The following SAMD4A variants were observed in gnomAD, a reference collection of about 807,000 sequenced individuals.
The protein encoded by SAMD4A is sterile alpha motif domain containing 4A, also known as protein Smaug homolog 1.
A neutral mutation model predicts 81.3 loss-of-function variants in SAMD4A; 33 were observed. The ratio of observed to expected loss-of-function variants is 0.41; its 90% confidence interval spans 0.31 to 0.54. The LOEUF is 0.54. Among genes scored for constraint, SAMD4A ranks in the 20% least tolerant of loss-of-function variants. The pLI, the probability that SAMD4A is intolerant of heterozygous loss-of-function variation, is 0.37. For synonymous variants in SAMD4A, 389 were observed against 382.1 expected (o/e 1.02, Z -0.21); for missense variants, 854 against 951.1 (o/e 0.90, Z 1.34).
chr14:54,756,653 T>C (rs2038245947), intron 6 of SAMD4A, among the ~76,000 whole-genome samples: 1 of 152,230 alleles, frequency 6.6e-6, no homozygotes, highest in African/African-American at 2.4e-5. Context: ...CTGTCTATTA[T>C]GTGAGAATCC....
At chr14:54,652,612 A>G (rs1208754403) in intron 2 of SAMD4A, 1 of 152,140 alleles carries the variant, frequency 6.6e-6, no homozygotes, top group Non-Finnish European at 1.5e-5. Flanking sequence ...TTTGTAATCA[A>G]AATGTTCTAT....
At chr14:54,771,616 T>G (rs979115411) in intron 9 of SAMD4A, among the ~76,000 whole-genome samples, 6 of 152,264 alleles carry the variant, frequency 3.9e-5, no homozygotes, top group African/African-American at 1.4e-4. Flanking sequence ...AGGCAAGGTC[T>G]GCTTCCTTGG....
At chr14:54,629,718 T>G (rs926631858) in intron 2 of SAMD4A, among the ~76,000 whole-genome samples, 8 of 152,244 alleles carry the variant, frequency 5.3e-5, no homozygotes, top group Non-Finnish European at 1.0e-4. Flanking sequence ...TTTTTAAGTG[T>G]ACAGTTCAGT....
intron 4 of SAMD4A, among the ~76,000 whole-genome samples, chr14:54,743,426 A>G (rs1332139178): frequency 6.6e-6 from 1 of 152,214 alleles, no homozygotes; most frequent in East Asian, 1.9e-4. Flanking sequence ...GCAAGTCCTC[A>G]GGATTCCCCC....
At chr14:54,586,154 T>C (rs1272046934) in intron 2 of SAMD4A, among the ~76,000 whole-genome samples, 1 of 152,232 alleles carries the variant, frequency 6.6e-6, no homozygotes. Context: ...TATCGCATTG[T>C]GGTTTTGCTT....
chr14:54,770,290 C>T (rs2038666247), intron 9 of SAMD4A, 68 bp downstream of exon 9: 8 of 1,069,568 alleles, frequency 7.5e-6, no homozygotes, highest in East Asian at 2.4e-5. Context: ...TACCTCGGTT[C>T]CTGGGGCAGG....
In SAMD4A at chr14:54,776,434, C is replaced by T. The variant is rs1951437; in HGVS notation, c.1938C>T (p.Pro646=). Residue 646 remains proline (P), a synonymous_variant, in exon 11 of 13, where the codon CCC becomes CCT. Coordinates refer to ENST00000554335, the MANE Select transcript of SAMD4A (RefSeq NM_015589.6). Reference sequence around the variant, plus strand: ...ACCAGAACCTGTGGTTTGCCAACCCCGGGGGCAGCAATAGCATGCCAAGCC... The same window carrying T: ...ACCAGAACCTGTGGTTTGCCAACCCTGGGGGCAGCAATAGCATGCCAAGCC... The part of the protein sequence containing the change: ...QGRQNLWFAN[P]GGSNSMPSRT... 59,932 of 1,591,514 alleles carry T rather than the reference C, an allele frequency of 0.038. 1,300 individuals carry two copies. The highest frequency in any genetic ancestry group is 0.056 in the South Asian group (4,928 of 87,612).
intron 2 of SAMD4A, among the ~76,000 whole-genome samples, chr14:54,573,008 A>G (rs1486814610): frequency 3.3e-5 from 5 of 152,184 alleles, no homozygotes; most frequent in Non-Finnish European, 7.3e-5. Context: ...GCCCTGACCC[A>G]GTTTTCCCAA....
intron 3 of SAMD4A, among the ~76,000 whole-genome samples, chr14:54,732,426 C>T (rs1302188881): frequency 6.6e-6 from 1 of 151,994 alleles, no homozygotes; most frequent in Non-Finnish European, 1.5e-5. Flanking sequence ...TTAGGCATTA[C>T]TAAATTATAT....
At chr14:54,693,017 G>A (rs1046121281) in intron 2 of SAMD4A, 4 of 151,744 alleles carry the variant, frequency 2.6e-5, no homozygotes, top group African/African-American at 9.7e-5. Context: ...TCCTTTTCAC[G>A]AAGATTACTT....
chr14:54,654,669 G>A (rs987504968), intron 2 of SAMD4A, among the ~76,000 whole-genome samples: 8 of 152,202 alleles, frequency 5.3e-5, no homozygotes, highest in African/African-American at 1.9e-4. Context: ...TCAGAATGAA[G>A]GCTAGTCCTC....
intron 2 of SAMD4A, among the ~76,000 whole-genome samples, chr14:54,599,357 T>A (rs1356398310): frequency 1.3e-5 from 2 of 152,202 alleles, no homozygotes; most frequent in Non-Finnish European, 2.9e-5. Context: ...AACTGACAAC[T>A]TTTTATCTGT....
intron 2 of SAMD4A, among the ~76,000 whole-genome samples, chr14:54,603,106 G>A (rs1301250655): frequency 1.3e-5 from 2 of 152,178 alleles, no homozygotes; most frequent in Non-Finnish European, 2.9e-5. Flanking sequence ...ATGGGGGAGC[G>A]AGGCGGACCA....
At chr14:54,787,598 C>T (rs2039173465) in intron 12 of SAMD4A, among the ~76,000 whole-genome samples, 1 of 152,230 alleles carries the variant, frequency 6.6e-6, no homozygotes, top group African/African-American at 2.4e-5. Flanking sequence ...GGGGCTTGGA[C>T]TGGGACATCA....
intron 2 of SAMD4A, among the ~76,000 whole-genome samples, chr14:54,636,941 G>T (rs560400945): frequency 1.3e-5 from 2 of 152,208 alleles, no homozygotes; most frequent in East Asian, 3.9e-4. Flanking sequence ...CGATCAAGGG[G>T]GCGAGATATA....
intron 2 of SAMD4A, among the ~76,000 whole-genome samples, chr14:54,618,982 G>A (rs537069083): frequency 6.6e-6 from 1 of 152,016 alleles, no homozygotes; most frequent in Non-Finnish European, 1.5e-5. Flanking sequence ...TTGATTTTTT[G>A]TATAGAAAGA....
At chr14:54,658,977 G>C (rs2035582439) in intron 2 of SAMD4A, among the ~76,000 whole-genome samples, 2 of 152,226 alleles carry the variant, frequency 1.3e-5, no homozygotes, top group African/African-American at 4.8e-5. Context: ...TGGCCTCTCT[G>C]AGATTCAGTT....
chr14:54,752,357 G>T (rs1190898679), intron 6 of SAMD4A, among the ~76,000 whole-genome samples: 3 of 152,192 alleles, frequency 2.0e-5, no homozygotes, highest in Non-Finnish European at 4.4e-5. Flanking sequence ...TCTGCCTCAG[G>T]GTTGGGATTC....
At position 54,722,565 on chromosome 14, in the gene SAMD4A, A is replaced by G. The variant is rs564131974; in HGVS notation, c.716-14459A>G. Among the ~76,000 whole-genome samples the G allele has an allele frequency of 3.3e-5, 5 of 152,324 alleles. No individual in the cohort carries two copies. In the East Asian group the frequency reaches 9.6e-4, roughly 29 times the overall value. ...CATTGATATGCTGTGACGGATGAAG[A>G]CCAAAAACATTAGGGTTCTAAGTCT... On this transcript the variant is annotated intron_variant, in intron 3 of 12. Transcript: ENST00000554335.
Sources: allele counts gnomAD v4.1 joint callset (sites outside exome capture counted in the v4.1 genomes callset), GRCh38; gene constraint gnomAD v4.1.1; transcripts MANE v1.5; gene names NCBI Gene and HGNC (gene_info 2026-07-23, HGNC 2026-07-21).